MECOM: variants seen among roughly 807,000 people sequenced by gnomAD.
MECOM encodes the protein histone-lysine N-methyltransferase MECOM.
MECOM carries 13 observed loss-of-function variants against 116.3 expected under a neutral mutation model. That is an observed-to-expected ratio of 0.11 (90% CI 0.07 to 0.18). The LOEUF (loss-of-function observed/expected upper bound fraction) is 0.18, where lower values mean the gene tolerates loss of function less well. MECOM is among the 10% of genes least tolerant of loss of function. MECOM has a pLI of 1.00. For synonymous variants in MECOM, 528 were observed against 535.2 expected (o/e 0.99, Z 0.19); for missense variants, 1,299 against 1,509.0 (o/e 0.86, Z 2.31).
chr3:169,427,762 T>A (rs1234664918), intron 1 of MECOM, among the ~76,000 whole-genome samples: 3 of 152,192 alleles, frequency 2.0e-5, no homozygotes, highest in Non-Finnish European at 4.4e-5. Flanking sequence ...TAACTCCTTT[T>A]CAGGACAAAA....
In MECOM at chr3:169,624,422, C is replaced by T. The variant is rs552979452; in HGVS notation, c.37+38914G>A. ...TTATTGTGCAGCCTTCTAGAATATA[C>T]CCAGCACTCCACACTGGCTGAAAAT... On this transcript the variant is annotated intron_variant, in intron 1 of 16. Transcript: ENST00000651503. Among the ~76,000 whole-genome samples, 12 of 152,234 alleles carry T rather than the reference C, an allele frequency of 7.9e-5. No homozygotes were observed. The East Asian group carries it at 2.1e-3, about 27-fold the overall frequency.
chr3:169,437,476 T>C (rs1358417358), intron 1 of MECOM, among the ~76,000 whole-genome samples: 1 of 152,192 alleles, frequency 6.6e-6, no homozygotes, highest in Non-Finnish European at 1.5e-5. Context: ...CATGATAGAA[T>C]CTCCAAGATT....
intron 2 of MECOM, among the ~76,000 whole-genome samples, chr3:169,159,796 C>T (rs12492631): frequency 0.039 from 5,906 of 152,208 alleles, 393 homozygotes; most frequent in Admixed American, 0.18. Flanking sequence ...ATCACAGCTT[C>T]GCTATGTGCT....
intron 1 of MECOM, among the ~76,000 whole-genome samples, chr3:169,523,901 C>A (rs1229839590): frequency 1.5e-5 from 2 of 133,502 alleles, no homozygotes; most frequent in Non-Finnish European, 3.2e-5. Context: ...ATATACATAC[C>A]TGTATATGCA....
chr3:169,472,622 GAAA>G lies in MECOM; in HGVS notation c.38-91101_38-91099del, dbSNP rs1749667712. 4.7e-4 allele frequency among the ~76,000 whole-genome samples: 31 copies of G among 65,878 alleles called. 1 individual carries two copies. The highest frequency in any genetic ancestry group is 1.9e-3 in the Admixed American group (10 of 5,390). 43.2% of individuals were successfully genotyped at this position (65,878 alleles called of 152,430 possible). A position where few individuals can be genotyped will look rare whatever the true frequency, so the allele number is the denominator to read the frequency against. ...GGAAAGGAAAGGAAAGGAAAGAAAAGAAAAGAAAAGAAAAGGAAAGGAAAGGAA... is the reference window on the plus strand; with the variant it reads ...GGAAAGGAAAGGAAAGGAAAGAAAAGAGAAAAGAAAAGGAAAGGAAAGGAA... On this transcript the variant is annotated intron_variant, in intron 1 of 16. Transcript: ENST00000651503.
intron 2 of MECOM, among the ~76,000 whole-genome samples, chr3:169,235,168 T>A (rs1753882294): frequency 6.6e-6 from 1 of 152,226 alleles, no homozygotes; most frequent in African/African-American, 2.4e-5. Context: ...ACTTCTATTA[T>A]CATCAATGTG....
intron 1 of MECOM, among the ~76,000 whole-genome samples, chr3:169,474,202 C>T (rs1017947817): frequency 1.3e-5 from 2 of 152,202 alleles, no homozygotes; most frequent in Non-Finnish European, 2.9e-5. Flanking sequence ...AGCAATCCCA[C>T]TAGGAAGACA....
chr3:169,340,035 A>T (rs1465749403), intron 2 of MECOM, among the ~76,000 whole-genome samples: 1 of 152,210 alleles, frequency 6.6e-6, no homozygotes, highest in Non-Finnish European at 1.5e-5. Flanking sequence ...TAGCTGGAAC[A>T]CGTAAACACT....
At chr3:169,614,101 CT>C (rs371917641) in intron 1 of MECOM, among the ~76,000 whole-genome samples, 1 of 124,056 alleles carries the variant, frequency 8.1e-6, no homozygotes, top group African/African-American at 3.0e-5. Context: ...CTTTTCTTTT[CT>C]TTTTCTTTTT....
At chr3:169,455,154 T>C (rs1038340677) in intron 1 of MECOM, among the ~76,000 whole-genome samples, 2 of 152,160 alleles carry the variant, frequency 1.3e-5, no homozygotes, top group Admixed American at 6.6e-5. Flanking sequence ...ATTATAAGGT[T>C]AGCTCCAGAG....
intron 2 of MECOM, among the ~76,000 whole-genome samples, chr3:169,310,713 A>G (rs529853248): frequency 2.6e-5 from 4 of 152,342 alleles, no homozygotes; most frequent in Non-Finnish European, 1.5e-5. Context: ...AGCATTAATT[A>G]GTTATGATGT....
At position 169,191,740 on chromosome 3, in the gene MECOM, GAGAAAGAAAGAAAGAA is replaced by G. The variant is rs71166250; in HGVS notation, c.376-47924_376-47909del. 3.7e-3 allele frequency among the ~76,000 whole-genome samples: 238 copies of G among 64,318 alleles called. 2 individuals are homozygous for G. Among genetic ancestry groups the G allele is most frequent in the South Asian group, 0.01 (15 of 1,492 alleles). The allele number at this position is 64,318 out of a possible 152,430, so 42.2% of individuals were successfully genotyped here. ...AGAAAAAAAGAAAGAAAGAAAGAAA[GAGAAAGAAAGAAAGAA>G]AGAAAGAAAGAAAGAAAGAAAGAAA... On this transcript the variant is annotated intron_variant, in intron 2 of 16. Transcript: ENST00000651503.
intron 2 of MECOM, among the ~76,000 whole-genome samples, chr3:169,266,868 AG>A (rs1226861516): frequency 1.3e-5 from 2 of 152,060 alleles, no homozygotes; most frequent in African/African-American, 2.4e-5. Context: ...AGGTCATTAT[AG>A]GGAAAGAGAG....
At chr3:169,305,209 C>A (rs1047285267) in intron 2 of MECOM, among the ~76,000 whole-genome samples, 7 of 152,150 alleles carry the variant, frequency 4.6e-5, no homozygotes, top group African/African-American at 1.4e-4. Flanking sequence ...GAAGGAGCTA[C>A]TTAATTCATA....
Position 169,663,328 on chromosome 3 carries a change from G to A in MECOM, c.37+8C>T. The A allele has an allele frequency of 6.2e-7, 1 of 1,607,942 alleles. No individual in the cohort carries two copies. Among genetic ancestry groups the A allele is most frequent in the Non-Finnish European group, 8.5e-7 (1 of 1,177,168 alleles). On this transcript the variant is annotated splice_region_variant and intron_variant, in intron 1 of 16. Transcript: ENST00000651503. ...GAAAAGCCAATAGAAAAGGGATATT[G>A]CACCTACTTGTGGCCAGTTTCCTTG...
intron 2 of MECOM, among the ~76,000 whole-genome samples, chr3:169,371,260 A>C (rs1730058464): frequency 6.6e-6 from 1 of 152,010 alleles, no homozygotes; most frequent in Admixed American, 6.6e-5. Context: ...AGCCAAACAC[A>C]AAAAGACAAA....
chr3:169,656,494 C>T (rs1278483834), intron 1 of MECOM, among the ~76,000 whole-genome samples: 1 of 152,036 alleles, frequency 6.6e-6, no homozygotes, highest in Non-Finnish European at 1.5e-5. Context: ...AAATTCAGTT[C>T]CCTTTTTTTC....
chr3:169,146,318 G>C, intron 2 of MECOM: 1 of 1,281,828 alleles, frequency 7.8e-7, no homozygotes, highest in Non-Finnish European at 1.0e-6. Flanking sequence ...GAACTCGGCC[G>C]AGAGCGGCTC....
At chr3:169,138,494 TC>T (rs1311820587) in intron 3 of MECOM, among the ~76,000 whole-genome samples, 2 of 152,178 alleles carry the variant, frequency 1.3e-5, no homozygotes, top group Non-Finnish European at 2.9e-5. Context: ...CCAGACAACA[TC>T]CCCCCAAAGT....
Sources: allele counts gnomAD v4.1 joint callset (sites outside exome capture counted in the v4.1 genomes callset), GRCh38; gene constraint gnomAD v4.1.1; transcripts MANE v1.5; gene names NCBI Gene and HGNC (gene_info 2026-07-23, HGNC 2026-07-21).